LY96: variants seen among roughly 807,000 people sequenced by gnomAD.
LY96 encodes the protein lymphocyte antigen 96, also known as myeloid differentiation protein-2.
A neutral mutation model predicts 18.9 loss-of-function variants in LY96; 18 were observed. That is an observed-to-expected ratio of 0.95 (90% CI 0.66 to 1.41). LY96 has a LOEUF of 1.41. LY96 is among the 40% of genes most tolerant of loss of function. LY96 has a pLI of 0.00. For missense variants in LY96, 175 were observed against 182.4 expected (o/e 0.96, Z 0.23); for synonymous variants, 66 against 62.6 (o/e 1.06, Z -0.26).
chr8:74,023,690 T>G (rs1456711132), intron 3 of LY96, among the ~76,000 whole-genome samples: 1 of 152,168 alleles, frequency 6.6e-6, no homozygotes, highest in Non-Finnish European at 1.5e-5. Context: ...TTCCTGCCTC[T>G]GGCTTGTGTT....
intron 3 of LY96, among the ~76,000 whole-genome samples, chr8:74,013,798 G>C (rs1816581369): frequency 6.6e-6 from 1 of 152,162 alleles, no homozygotes; most frequent in South Asian, 2.1e-4. Flanking sequence ...TGTAGTTGGA[G>C]CAGAATGTGC....
At chr8:74,007,980 G>C (rs1008763772) in intron 2 of LY96, among the ~76,000 whole-genome samples, 7 of 152,138 alleles carry the variant, frequency 4.6e-5, no homozygotes, top group African/African-American at 1.4e-4. Context: ...GGATGGTCTC[G>C]AACTCCTGAC....
intron 1 of LY96, among the ~76,000 whole-genome samples, chr8:73,996,806 G>A (rs1362643507): frequency 3.3e-5 from 5 of 152,050 alleles, no homozygotes; most frequent in African/African-American, 9.7e-5. Flanking sequence ...GTGCAGTGGT[G>A]CAATCTTGGC....
At chr8:74,019,775 T>G (rs1816721821) in intron 3 of LY96, among the ~76,000 whole-genome samples, 2 of 152,078 alleles carry the variant, frequency 1.3e-5, no homozygotes, top group South Asian at 4.1e-4. Flanking sequence ...CATACACAAA[T>G]CAATATACGT....
chr8:73,994,521 C>T (rs1204312977), intron 1 of LY96, among the ~76,000 whole-genome samples: 2 of 152,154 alleles, frequency 1.3e-5, no homozygotes, highest in African/African-American at 4.8e-5. Context: ...GAGTCTTGCT[C>T]TGTCAGCCAG....
chr8:74,020,999 C>T (rs1487284228), intron 3 of LY96, among the ~76,000 whole-genome samples: 3 of 152,302 alleles, frequency 2.0e-5, no homozygotes, highest in African/African-American at 7.2e-5. Flanking sequence ...TGATTCAGGA[C>T]ATAGGCATGG....
At chr8:74,025,428 G>A (rs1816849213) in intron 3 of LY96, among the ~76,000 whole-genome samples, 1 of 152,072 alleles carries the variant, frequency 6.6e-6, no homozygotes, top group South Asian at 2.1e-4. Context: ...GCCGAGGCAG[G>A]CAGATCACCT....
Position 74,002,056 on chromosome 8 carries a change from T to G in LY96, c.113-2740T>G, listed in dbSNP as rs1331149604. On this transcript the variant is annotated intron_variant, in intron 1 of 4. Coordinates refer to ENST00000284818, the MANE Select transcript of LY96 (RefSeq NM_015364.5). ...CTTCCTTCCTTCCTTCCTTCCTTCC[T>G]TCCTTCCTTCCTTCCTTCCTTTCTT... 1.3e-3 allele frequency among the ~76,000 whole-genome samples: 54 copies of G among 42,232 alleles called. 6 individuals are homozygous for G. Among genetic ancestry groups the G allele is most frequent in the East Asian group, 4.2e-3 (7 of 1,650 alleles). The allele number at this position is 42,232 out of a possible 152,430, so 27.7% of individuals were successfully genotyped here.
the LY96 span, among the ~76,000 whole-genome samples, chr8:74,095,218 T>A: frequency 6.6e-6 from 1 of 152,238 alleles, no homozygotes. Flanking sequence ...TATTTTTTTC[T>A]TCTGCTTAAG....
chr8:74,060,640 G>A, the LY96 span, among the ~76,000 whole-genome samples: 10 of 152,302 alleles, frequency 6.6e-5, no homozygotes, highest in East Asian at 9.6e-4. Context: ...TGACCCTTGC[G>A]TACTGCACAG....
intron 1 of LY96, among the ~76,000 whole-genome samples, chr8:73,993,954 T>G (rs975448297): frequency 6.6e-6 from 1 of 152,144 alleles, no homozygotes; most frequent in Non-Finnish European, 1.5e-5. Context: ...TGTGAAACCA[T>G]CACCGTTGGT....
chr8:73,991,621 C>T (rs776191294), intron 1 of LY96, 67 bp downstream of exon 1: 29 of 923,006 alleles, frequency 3.1e-5, no homozygotes, highest in African/African-American at 1.6e-4. Context: ...TCACGAGAAC[C>T]GTACACTGTT....
At chr8:74,058,928 A>G in the LY96 span, among the ~76,000 whole-genome samples, 1 of 152,182 alleles carries the variant, frequency 6.6e-6, no homozygotes, top group Admixed American at 6.5e-5. Flanking sequence ...GACGTAGTTC[A>G]AGGCCTGAGA....
chr8:74,096,553 C>T, the LY96 span, among the ~76,000 whole-genome samples: 1 of 152,174 alleles, frequency 6.6e-6, no homozygotes, highest in Non-Finnish European at 1.5e-5. Context: ...TTGCAACCCT[C>T]TCCCTCCAGC....
chr8:74,061,867 C>T, the LY96 span, among the ~76,000 whole-genome samples: 1 of 152,132 alleles, frequency 6.6e-6, no homozygotes, highest in East Asian at 1.9e-4. Flanking sequence ...CAGAGCAATT[C>T]CTAGGGGAAG....
intron 1 of LY96, among the ~76,000 whole-genome samples, chr8:73,994,997 A>G (rs1008973965): frequency 1.3e-5 from 2 of 152,220 alleles, no homozygotes; most frequent in Admixed American, 6.5e-5. Context: ...TTTAATTGCC[A>G]TTGTGATGAT....
At chr8:74,072,866 T>G in the LY96 span, among the ~76,000 whole-genome samples, 1 of 152,180 alleles carries the variant, frequency 6.6e-6, no homozygotes, top group Non-Finnish European at 1.5e-5. Context: ...GAGGTGAGCA[T>G]GCGGGTGCCT....
At chr8:74,041,708 C>T in the LY96 span, among the ~76,000 whole-genome samples, 1 of 151,980 alleles carries the variant, frequency 6.6e-6, no homozygotes, top group South Asian at 2.1e-4. Flanking sequence ...GTGGGGAAAC[C>T]CCCCCCACCA....
chr8:74,098,798 C>A, the LY96 span, among the ~76,000 whole-genome samples: 1 of 152,150 alleles, frequency 6.6e-6, no homozygotes, highest in Non-Finnish European at 1.5e-5. Flanking sequence ...AATTATCTAA[C>A]TTTTGGTGAC....
Sources: gnomAD v4.1 joint callset for allele counts (sites outside exome capture counted in the v4.1 genomes callset) on GRCh38, gnomAD v4.1.1 for gene constraint, MANE v1.5 for transcripts, NCBI Gene and HGNC (gene_info 2026-07-23, HGNC 2026-07-21) for gene names.